Variants in MACROD2 observed in about 807,000 individuals in gnomAD.
MACROD2 encodes ADP-ribose glycohydrolase MACROD2.
A neutral mutation model predicts 70.4 loss-of-function variants in MACROD2; 36 were observed. That is an observed-to-expected ratio of 0.51 (90% CI 0.39 to 0.68). The LOEUF (loss-of-function observed/expected upper bound fraction) is 0.68. Ranked by LOEUF, MACROD2 falls within the 30% of genes least tolerant of loss-of-function variation. MACROD2 has a pLI of 0.00. For missense variants in MACROD2, 496 were observed against 538.4 expected (o/e 0.92, Z 0.78); for synonymous variants, 172 against 178.8 (o/e 0.96, Z 0.30).
At chr20:14,888,888 G>T (rs2073715322) in intron 5 of MACROD2, among the ~76,000 whole-genome samples, 1 of 152,154 alleles carries the variant, frequency 6.6e-6, no homozygotes, top group Admixed American at 6.5e-5. Context: ...GAGGGTCTCT[G>T]AGAGTCTCCT....
chr20:15,129,159 CATA>C (rs2076087356), intron 5 of MACROD2, among the ~76,000 whole-genome samples: 1 of 151,810 alleles, frequency 6.6e-6, no homozygotes, highest in Non-Finnish European at 1.5e-5. Flanking sequence ...ATTAATGTAA[CATA>C]ATTTATTTTG....
intron 6 of MACROD2, among the ~76,000 whole-genome samples, chr20:15,383,928 AG>A (rs769971179): frequency 1.3e-4 from 20 of 152,308 alleles, no homozygotes; most frequent in Non-Finnish European, 2.4e-4. Context: ...TAATTAACTC[AG>A]GGAGCAATTC....
chr20:15,316,845 C>G (rs1234674918), intron 6 of MACROD2, among the ~76,000 whole-genome samples: 1 of 152,084 alleles, frequency 6.6e-6, no homozygotes, highest in Admixed American at 6.6e-5. Context: ...TGTAAGTGAT[C>G]TTCTCTGACC....
chr20:15,016,989 C>T (rs2075126706), intron 5 of MACROD2, among the ~76,000 whole-genome samples: 1 of 152,056 alleles, frequency 6.6e-6, no homozygotes, highest in Admixed American at 6.6e-5. Flanking sequence ...CCATATCATG[C>T]TGCCCTTGGC....
chr20:15,796,338 T>G (rs1020552680), intron 8 of MACROD2, among the ~76,000 whole-genome samples: 1 of 152,194 alleles, frequency 6.6e-6, no homozygotes, highest in Non-Finnish European at 1.5e-5. Context: ...CAAAATTCAT[T>G]GAGCTCTCTA....
chr20:15,644,245 G>A (rs569886011), intron 8 of MACROD2, among the ~76,000 whole-genome samples: 1 of 152,004 alleles, frequency 6.6e-6, no homozygotes, highest in African/African-American at 2.4e-5. Context: ...CCCTAACATC[G>A]TTACATCCCC....
chr20:14,081,477 T>C (rs1435671043), intron 2 of MACROD2, among the ~76,000 whole-genome samples: 1 of 152,208 alleles, frequency 6.6e-6, no homozygotes, highest in East Asian at 1.9e-4. Context: ...CTGTCATGTG[T>C]TTACACTGAC....
At chr20:15,036,554 A>G (rs1641543496) in intron 5 of MACROD2, among the ~76,000 whole-genome samples, 1 of 152,144 alleles carries the variant, frequency 6.6e-6, no homozygotes, top group Non-Finnish European at 1.5e-5. Context: ...CTACATCATC[A>G]TCAATCATAA....
At chr20:15,591,387 C>A (rs764453591) in intron 8 of MACROD2, among the ~76,000 whole-genome samples, 3 of 152,082 alleles carry the variant, frequency 2.0e-5, no homozygotes, top group Non-Finnish European at 2.9e-5. Flanking sequence ...GGTATTCCCT[C>A]TGCTCAACTG....
At chr20:15,505,866 G>T (rs185489483) in intron 8 of MACROD2, among the ~76,000 whole-genome samples, 1 of 152,136 alleles carries the variant, frequency 6.6e-6, no homozygotes. Context: ...GTCTTTGCCC[G>T]ACATAATTTT....
intron 3 of MACROD2, among the ~76,000 whole-genome samples, chr20:14,355,299 A>G (rs1158352934): frequency 3.9e-5 from 6 of 152,220 alleles, no homozygotes; most frequent in Non-Finnish European, 8.8e-5. Flanking sequence ...AATGTCTTAA[A>G]TGATAACTAA....
intron 8 of MACROD2, among the ~76,000 whole-genome samples, chr20:15,551,337 T>TAAAAAAAA (rs149415845): frequency 7.0e-6 from 1 of 143,500 alleles, no homozygotes; most frequent in Non-Finnish European, 1.5e-5. Flanking sequence ...ATTTAATATT[T>TAAAAAAAA]AAAAAAAAAA....
intron 5 of MACROD2, among the ~76,000 whole-genome samples, chr20:15,009,756 C>G (rs2122928984): frequency 6.7e-6 from 1 of 149,084 alleles, no homozygotes; most frequent in East Asian, 2.0e-4. Flanking sequence ...ACACAGAGGT[C>G]TCTCCCCACC....
chr20:16,027,742 G>T (rs2067099998), intron 15 of MACROD2, among the ~76,000 whole-genome samples: 1 of 152,206 alleles, frequency 6.6e-6, no homozygotes, highest in South Asian at 2.1e-4. Context: ...CTAGGACCCT[G>T]CTGTGTACAG....
At chr20:15,056,751 G>A (rs2075488998) in intron 5 of MACROD2, among the ~76,000 whole-genome samples, 1 of 152,178 alleles carries the variant, frequency 6.6e-6, no homozygotes, top group Non-Finnish European at 1.5e-5. Context: ...AATAACCTGT[G>A]AAGAGTCAAA....
At chr20:15,738,164 T>C (rs528527044) in intron 8 of MACROD2, among the ~76,000 whole-genome samples, 51 of 152,292 alleles carry the variant, frequency 3.3e-4, no homozygotes, top group East Asian at 9.6e-4. Flanking sequence ...CAATAATAAC[T>C]GTACATTTTA....
At position 15,687,739 on chromosome 20, in the gene MACROD2, G is replaced by C. The variant is rs546190467; in HGVS notation, c.646-175006G>C. Among the ~76,000 whole-genome samples, 6 of 152,256 alleles carry C rather than the reference G, an allele frequency of 3.9e-5. No individual in the cohort carries two copies. The South Asian group carries it at 1.2e-3, about 32-fold the overall frequency. On this transcript the variant is annotated intron_variant, in intron 8 of 17. Transcript: ENST00000684519. ...TCTGCAATTGCCCTGGACTCACTGG[G>C]AATTTCTAATGCTCCCGCCACATGC...
chr20:14,489,029 G>C (rs961085587), intron 3 of MACROD2, among the ~76,000 whole-genome samples: 3 of 152,154 alleles, frequency 2.0e-5, no homozygotes, highest in Non-Finnish European at 4.4e-5. Flanking sequence ...TGGCTTCATA[G>C]TGAATGACAG....
At chr20:14,829,213 T>C (rs919909305) in intron 5 of MACROD2, among the ~76,000 whole-genome samples, 9 of 149,788 alleles carry the variant, frequency 6.0e-5, no homozygotes, top group African/African-American at 2.2e-4. Flanking sequence ...CACTGCAATC[T>C]TCGCCTCCCG....
Sources: allele counts gnomAD v4.1 joint callset (sites outside exome capture counted in the v4.1 genomes callset), GRCh38; gene constraint gnomAD v4.1.1; transcripts MANE v1.5; gene names NCBI Gene and HGNC (gene_info 2026-07-23, HGNC 2026-07-21).